Variants in CLIP3 observed in about 807,000 individuals in gnomAD.
The protein encoded by CLIP3 is CAP-Gly domain-containing linker protein 3.
In CLIP3, 15 loss-of-function variants were observed where a neutral mutation model predicts 59.4. The observed-to-expected ratio is 0.25, with a 90% CI of 0.17 to 0.39. The LOEUF is 0.39. Among genes scored for constraint, CLIP3 ranks in the 10% least tolerant of loss-of-function variants. The pLI is 1.00. For missense variants in CLIP3, 495 were observed against 765.7 expected, an observed-to-expected ratio of 0.65 and a Z score of 4.17; for synonymous variants, 300 against 321.6, an observed-to-expected ratio of 0.93 and a Z score of 0.72.
chr19:36,018,080 C>T, intron 9 of CLIP3, 89 bp from the exon 10 acceptor site: 1 of 1,449,012 alleles, frequency 6.9e-7, no homozygotes. Flanking sequence ...AGGTAGAAAA[C>T]CCTGTTCTTC....
At position 36,015,967 on chromosome 19, in the gene CLIP3, T is replaced by A. The variant is rs1048368899; in HGVS notation, c.*191A>T. 1 of 634,436 alleles carries A rather than the reference T, an allele frequency of 1.6e-6. No individual in the cohort carries two copies. The highest frequency in any genetic ancestry group is 2.9e-6 in the Non-Finnish European group (1 of 350,620). The allele number at this position is 634,436 out of a possible 1,614,324, so 39.3% of individuals were successfully genotyped here. On this transcript the variant is annotated 3_prime_UTR_variant, in exon 14 of 14. Coordinates refer to ENST00000360535, the MANE Select transcript of CLIP3 (RefSeq NM_015526.3). ...TCAGGGAATCTCTTTCTGGGTGACA[T>A]GGGGTCTGTATTTGGGGGTTATTAT...
In CLIP3 at chr19:36,026,828, G is replaced by C. The variant is rs562867251; in HGVS notation, c.401-81C>G. 1.3e-6 allele frequency: 2 copies of C among 1,548,518 alleles called. No homozygotes were observed. Among genetic ancestry groups the C allele is most frequent in the East Asian group, 2.3e-5 (1 of 43,306 alleles). ...CACGGGGAGGACCCTGGGCTTCAGGGACTATACTTTGGGATCCGAAGCTTC... is the reference window on the plus strand; with the variant it reads ...CACGGGGAGGACCCTGGGCTTCAGGCACTATACTTTGGGATCCGAAGCTTC... On this transcript the variant is annotated intron_variant, in intron 4 of 13. Transcript: ENST00000360535. This position sits in a 1 kb window ranked among gnomAD's most constrained non-coding sequence, Gnocchi z 6.3.
intron 2 of CLIP3, among the ~76,000 whole-genome samples, chr19:36,031,911 C>G (rs1599706836): frequency 6.6e-6 from 1 of 152,302 alleles, no homozygotes; most frequent in East Asian, 1.9e-4. Context: ...GTGGCCCCAG[C>G]CCCTAGCATA....
Position 36,019,220 on chromosome 19 carries a change from G to A in CLIP3, c.1005C>T (p.Asn335=), listed in dbSNP as rs371327736. The change falls in exon 8 of 14, where the codon AAC becomes AAT. Residue 335 remains asparagine (N), a synonymous_variant. Transcript: ENST00000360535. ...ACCGAACGCCCCCAACGCTGCCATC[G>A]TTCTTGCCCTCAGGTTCGTCCAGCT... is the stretch of plus-strand genomic sequence containing the variant. ...GVELDEPEGK[N]DGSVGGVRYF... 88 of 1,613,900 alleles carry A rather than the reference G, an allele frequency of 5.5e-5. No individual in the cohort carries two copies. Among genetic ancestry groups the A allele is most frequent in the Middle Eastern group, 1.6e-4 (1 of 6,084 alleles).
Position 36,019,156 on chromosome 19 carries a change from C to T in CLIP3, c.1054+15G>A, listed in dbSNP as rs376490218. On this transcript the variant is annotated intron_variant, in intron 8 of 13. Coordinates refer to ENST00000360535, the MANE Select transcript of CLIP3 (RefSeq NM_015526.3). ...CACCCAGCCACACCCCTCTTGGGCC[C>T]GAGGTCGGACTAACCCTGCTTGGGA... The T allele has an allele frequency of 6.8e-6, 11 of 1,613,788 alleles. No homozygotes were observed. The African/African-American group carries it at 8.0e-5, about 12-fold the overall frequency.
intron 9 of CLIP3, 115 bp from the exon 10 acceptor site, chr19:36,018,106 G>A: frequency 8.3e-7 from 1 of 1,206,602 alleles, no homozygotes; most frequent in Non-Finnish European, 1.2e-6. Flanking sequence ...AAGTGAAACT[G>A]AATCCCAGAT....
At position 36,024,453 on chromosome 19, in the gene CLIP3, G is replaced by A. The variant is rs369876691; in HGVS notation, c.861C>T (p.Leu287=). 4 of 1,614,128 alleles carry A rather than the reference G, an allele frequency of 2.5e-6. No individual in the cohort carries two copies. The highest frequency in any genetic ancestry group is 4.5e-5 in the East Asian group (2 of 44,890). Residue 287 remains leucine, a synonymous_variant, in exon 7 of 14, where the codon CTC becomes CTT. Transcript: ENST00000360535. ...GGCGCAAGCCCAGTGCGCTAAGCAT[G>A]AGATTGCCTGGGACGTTGTCATAGT... is the stretch of plus-strand genomic sequence containing the variant. ...LPNYDNVPGN[L]MLSALGLRLG... is the part of the protein sequence containing the mutation.
chr19:36,024,026 G>A (rs1244913496), intron 7 of CLIP3, among the ~76,000 whole-genome samples: 1 of 152,188 alleles, frequency 6.6e-6, no homozygotes, highest in East Asian at 1.9e-4. Context: ...GCCTGGACTT[G>A]CCTAGCCAGA....
At position 36,018,000 on chromosome 19, in the gene CLIP3, A is replaced by G; in HGVS notation, c.1184-9T>C. ...TGGGGTCTTCTTCTTGCCTAAGGGT[A>G]GAAGGTGTAGGAGGTGGGTAGTGGG... On this transcript the variant is annotated splice_polypyrimidine_tract_variant and intron_variant, in intron 9 of 13. Coordinates refer to ENST00000360535, the MANE Select transcript of CLIP3 (RefSeq NM_015526.3). 6.2e-7 allele frequency: 1 copy of G among 1,613,510 alleles called. No homozygotes were observed. The highest frequency in any genetic ancestry group is 8.5e-7 in the Non-Finnish European group (1 of 1,180,020).
Position 36,016,889 on chromosome 19 carries a change from C to T in CLIP3, c.1589+18G>A, listed in dbSNP as rs756085496. ...CCTGAATGTCACATAGGAGAGGGGA[C>T]AGGGGTTGGCCACACACCTGGAAAT... On this transcript the variant is annotated intron_variant, in intron 13 of 13. Coordinates refer to ENST00000360535, the MANE Select transcript of CLIP3 (RefSeq NM_015526.3). This position sits in a 1 kb window ranked among gnomAD's most constrained non-coding sequence, Gnocchi z 4.1. 1 of 1,612,462 alleles carries T rather than the reference C, an allele frequency of 6.2e-7. No individual in the cohort carries two copies. The highest frequency in any genetic ancestry group is 1.7e-5 in the Admixed American group (1 of 59,858).
At chr19:36,027,400 C>T in intron 2 of CLIP3, 129 bp from the exon 3 acceptor site, 1 of 980,238 alleles carries the variant, frequency 1.0e-6, no homozygotes, top group Non-Finnish European at 1.4e-6. Context: ...GCACATGGGC[C>T]ACAGTCAACC....
At chr19:36,024,708 A>G in intron 6 of CLIP3, 76 bp from the exon 7 acceptor site, 1 of 1,389,392 alleles carries the variant, frequency 7.2e-7, no homozygotes, top group South Asian at 1.2e-5. Flanking sequence ...GCCCCTAGAG[A>G]CCACCAGTCT....
Position 36,032,166 on chromosome 19 carries a change from G to C in CLIP3, c.166+26C>G. The C allele has an allele frequency of 8.1e-7, 1 of 1,230,656 alleles. No individual in the cohort carries two copies. The highest frequency in any genetic ancestry group is 3.9e-5 in the South Asian group (1 of 25,538). The allele number at this position is 1,230,656 out of a possible 1,614,324, so 76.2% of individuals were successfully genotyped here. A position where few individuals can be genotyped will look rare whatever the true frequency, so the allele number is the denominator to read the frequency against. On this transcript the variant is annotated intron_variant, in intron 2 of 13. Transcript: ENST00000360535. The surrounding 1 kb of genome is among the most constrained non-coding windows in gnomAD (Gnocchi z 4.3). ...CCCGGCCACCCAACGCTCCAGGCCA[G>C]ATTCCAGGGTGGGGACAGTGGTTAC...
chr19:36,018,750 G>A, intron 9 of CLIP3, 148 bp downstream of exon 9: 2 of 1,105,190 alleles, frequency 1.8e-6, no homozygotes, highest in Non-Finnish European at 2.6e-6. Context: ...TGAGCCAAAG[G>A]GGAAACTGAG....
At chr19:36,020,329 G>A (rs1045998820) in intron 7 of CLIP3, among the ~76,000 whole-genome samples, 3 of 151,870 alleles carry the variant, frequency 2.0e-5, no homozygotes, top group African/African-American at 4.8e-5. Context: ...TAGTCCGGGC[G>A]CGGTGGCTCA....
At position 36,032,214 on chromosome 19, in the gene CLIP3, A is replaced by G; in HGVS notation, c.144T>C (p.Pro48=). The G allele has an allele frequency of 7.7e-7, 1 of 1,293,914 alleles. No individual in the cohort carries two copies. The highest frequency in any genetic ancestry group is 2.9e-5 in the South Asian group (1 of 34,478). 80.2% of individuals were successfully genotyped at this position (1,293,914 alleles called of 1,614,324 possible). Residue 48 remains proline, a synonymous_variant, in exon 2 of 14, where the codon CCT becomes CCC. Coordinates refer to ENST00000360535, the MANE Select transcript of CLIP3 (RefSeq NM_015526.3). The surrounding 1 kb of genome is among the most constrained non-coding windows in gnomAD (Gnocchi z 4.3). ...RQKPVVHPSA[P]APLPKDYAFT... is the part of the protein sequence containing the mutation. The stretch of plus-strand genomic sequence containing the variant: ...TACCGTAGTCCTTAGGGAGGGGGGC[A>G]GGTGCCGAGGGGTGCACAACAGGCT...
chr19:36,026,639 T>C lies in CLIP3; in HGVS notation c.509A>G (p.Tyr170Cys). The change falls in exon 5 of 14, where the codon TAT becomes TGT. Residue 170 changes from tyrosine to cysteine, a missense_variant. Tyr to Cys is a radical substitution (Grantham distance 194). This residue lies in a region of CLIP3 where 194 missense variants were observed against 327.8 expected (regional missense o/e 0.59). Coordinates refer to ENST00000360535, the MANE Select transcript of CLIP3 (RefSeq NM_015526.3). This position sits in a 1 kb window ranked among gnomAD's most constrained non-coding sequence, Gnocchi z 6.3. ...TNMNALHYAA[Y>C]FDVPDLVRVL... ...ACGCACGAGGTCGGGCACATCAAAA[T>C]AGGCCGCGTAGTGAAGCGCGTTCAT... 1.9e-6 allele frequency: 3 copies of C among 1,613,590 alleles called. No individual in the cohort carries two copies. Among genetic ancestry groups the C allele is most frequent in the Non-Finnish European group, 2.5e-6 (3 of 1,179,888 alleles).
chr19:36,015,817 C>T lies in CLIP3; in HGVS notation c.*341G>A. 3.0e-6 allele frequency: 1 copy of T among 333,090 alleles called. No homozygotes were observed. Among genetic ancestry groups the T allele is most frequent in the Non-Finnish European group, 5.7e-6 (1 of 176,004 alleles). The allele number at this position is 333,090 out of a possible 1,614,324, so 20.6% of individuals were successfully genotyped here. On this transcript the variant is annotated 3_prime_UTR_variant, in exon 14 of 14. Coordinates refer to ENST00000360535, the MANE Select transcript of CLIP3 (RefSeq NM_015526.3). ...GTTTCTGATCCAGGGTTGGGTGATT[C>T]AAGAATGTTCTGTTGTAATGCATTA...
In CLIP3 at chr19:36,032,144, G is replaced by A. The variant is rs1442288125; in HGVS notation, c.166+48C>T. 4 of 1,098,922 alleles carry A rather than the reference G, an allele frequency of 3.6e-6. No homozygotes were observed. The highest frequency in any genetic ancestry group is 4.7e-6 in the Non-Finnish European group (4 of 851,254). 68.1% of individuals were successfully genotyped at this position (1,098,922 alleles called of 1,614,324 possible). ...CAGCAGAGCACAGCCCACCCTCCCC[G>A]GCCACCCAACGCTCCAGGCCAGATT... On this transcript the variant is annotated intron_variant, in intron 2 of 13. Transcript: ENST00000360535. The surrounding 1 kb of genome is among the most constrained non-coding windows in gnomAD (Gnocchi z 4.3).
Sources: gnomAD v4.1 joint callset for allele counts (sites outside exome capture counted in the v4.1 genomes callset) on GRCh38, gnomAD v4.1.1 for gene constraint, gnomAD v4.1.1 regional missense constraint, Gnocchi (gnomAD v3.1) non-coding constraint, MANE v1.5 for transcripts, NCBI Gene and HGNC (gene_info 2026-07-23, HGNC 2026-07-21) for gene names.